The following SAMD13 variants were observed in gnomAD, a reference collection of about 807,000 sequenced individuals.
SAMD13 encodes sterile alpha motif domain-containing protein 13.
Under a neutral mutation model 12.4 loss-of-function variants are expected in SAMD13, and 9 were observed. The ratio of observed to expected loss-of-function variants is 0.72; its 90% CI spans 0.44 to 1.26. The LOEUF is 1.26. Ranked by LOEUF, SAMD13 falls within the 50% of genes most tolerant of loss-of-function variation. The pLI, the probability that SAMD13 is intolerant of heterozygous loss-of-function variation, is 0.00. For synonymous variants in SAMD13, 46 were observed against 45.4 expected (o/e 1.01, Z -0.05); for missense variants, 84 against 119.6 (o/e 0.70, Z 1.39).
intron 2 of SAMD13, among the ~76,000 whole-genome samples, chr1:84,307,168 T>A (rs930030685): frequency 6.6e-6 from 1 of 152,204 alleles, no homozygotes; most frequent in African/African-American, 2.4e-5. Context: ...GGACTCCAAT[T>A]TTATGTGGAT....
chr1:84,337,159 C>T, intron 3 of SAMD13, among the ~76,000 whole-genome samples: 1 of 152,138 alleles, frequency 6.6e-6, no homozygotes, highest in East Asian at 1.9e-4. Flanking sequence ...ACGGTGCAAG[C>T]TGTCAGTGGA....
chr1:84,333,764 G>T (rs946943492), intron 3 of SAMD13, among the ~76,000 whole-genome samples: 3 of 151,952 alleles, frequency 2.0e-5, no homozygotes, highest in Non-Finnish European at 2.9e-5. Context: ...TAACATGAAG[G>T]GATGTTGAAT....
At chr1:84,308,446 C>T (rs1289785962) in intron 2 of SAMD13, among the ~76,000 whole-genome samples, 1 of 152,142 alleles carries the variant, frequency 6.6e-6, no homozygotes, top group Non-Finnish European at 1.5e-5. Context: ...CCTTGACAAT[C>T]AAAAATGTCT....
chr1:84,303,179 A>C, intron 1 of SAMD13, 24 bp from the exon 2 acceptor site: 1 of 1,561,294 alleles, frequency 6.4e-7, no homozygotes, highest in Non-Finnish European at 8.8e-7. Flanking sequence ...AATTAAACAC[A>C]AGCTTTTCTC....
At chr1:84,319,233 T>A (rs1181990408) in intron 2 of SAMD13, among the ~76,000 whole-genome samples, 2 of 152,164 alleles carry the variant, frequency 1.3e-5, no homozygotes, top group Non-Finnish European at 2.9e-5. Context: ...TAGACTGTTG[T>A]GTTTAGTATT....
At chr1:84,320,093 A>G (rs1007127199) in intron 2 of SAMD13, among the ~76,000 whole-genome samples, 3 of 152,226 alleles carry the variant, frequency 2.0e-5, no homozygotes, top group Non-Finnish European at 2.9e-5. Flanking sequence ...TATCGTCTTC[A>G]TTAGACTATG....
At chr1:84,339,862 G>A (rs1297813501) in intron 3 of SAMD13, among the ~76,000 whole-genome samples, 1 of 152,180 alleles carries the variant, frequency 6.6e-6, no homozygotes, top group Non-Finnish European at 1.5e-5. Context: ...AAAAGAATTG[G>A]ATAGATTAAA....
intron 3 of SAMD13, among the ~76,000 whole-genome samples, chr1:84,347,247 G>C (rs1486414771): frequency 6.6e-6 from 1 of 152,094 alleles, no homozygotes; most frequent in Non-Finnish European, 1.5e-5. Flanking sequence ...AGGAATGTTT[G>C]GTTGTATGTA....
At chr1:84,312,157 G>A (rs1199454121) in intron 2 of SAMD13, among the ~76,000 whole-genome samples, 2 of 148,266 alleles carry the variant, frequency 1.3e-5, no homozygotes, top group African/African-American at 2.5e-5. Context: ...TGTTTTTTTT[G>A]TCTATGTAAA....
upstream of SAMD13, chr1:84,299,671 ATATATTTATT>A (rs1034236534): frequency 2.1e-6 from 2 of 952,292 alleles, no homozygotes; most frequent in African/African-American, 1.7e-5. Context: ...ATATATATAT[ATATATTTATT>A]TATTTATTTA....
chr1:84,334,221 C>G (rs1278112595), intron 3 of SAMD13, among the ~76,000 whole-genome samples: 1 of 152,020 alleles, frequency 6.6e-6, no homozygotes, highest in African/African-American at 2.4e-5. Flanking sequence ...ATTCCTGATT[C>G]AATTTCAGAA....
chr1:84,334,282 G>T (rs1339364477), intron 3 of SAMD13, among the ~76,000 whole-genome samples: 1 of 152,022 alleles, frequency 6.6e-6, no homozygotes, highest in African/African-American at 2.4e-5. Flanking sequence ...TCAATCTTGG[G>T]AGGCTGTGTT....
intron 2 of SAMD13, among the ~76,000 whole-genome samples, chr1:84,325,289 A>AGATG (rs1288841983): frequency 6.6e-6 from 1 of 152,080 alleles, no homozygotes; most frequent in Non-Finnish European, 1.5e-5. Flanking sequence ...CTTTATCCCT[A>AGATG]GATGTGTGGG....
chr1:84,339,359 T>C (rs1679372312), intron 3 of SAMD13, among the ~76,000 whole-genome samples: 1 of 152,186 alleles, frequency 6.6e-6, no homozygotes, highest in African/African-American at 2.4e-5. Flanking sequence ...CCTTTGGATG[T>C]GTTTTTTTTG....
At chr1:84,313,076 A>T (rs1242389831) in intron 2 of SAMD13, among the ~76,000 whole-genome samples, 1 of 152,146 alleles carries the variant, frequency 6.6e-6, no homozygotes, top group Non-Finnish European at 1.5e-5. Flanking sequence ...TAAATAACTA[A>T]GATGGAGCCA....
At chr1:84,308,785 T>A (rs1368226524) in intron 2 of SAMD13, among the ~76,000 whole-genome samples, 3 of 152,056 alleles carry the variant, frequency 2.0e-5, no homozygotes, top group African/African-American at 7.2e-5. Flanking sequence ...AATCTGAAAA[T>A]TTTTTAATTA....
At chr1:84,315,400 G>C (rs756386851) in intron 2 of SAMD13, among the ~76,000 whole-genome samples, 1 of 152,064 alleles carries the variant, frequency 6.6e-6, no homozygotes, top group Non-Finnish European at 1.5e-5. Flanking sequence ...CATCCATTTT[G>C]TTGAAAATGT....
At chr1:84,334,764 TTCTC>T (rs1679259733) in intron 3 of SAMD13, among the ~76,000 whole-genome samples, 1 of 152,158 alleles carries the variant, frequency 6.6e-6, no homozygotes, top group Non-Finnish European at 1.5e-5. Flanking sequence ...TGTATTTTTG[TTCTC>T]AGTAGTTTCA....
chr1:84,301,860 A>G (rs1329375898), intron 1 of SAMD13, 59 bp downstream of exon 1: 6 of 731,892 alleles, frequency 8.2e-6, no homozygotes, highest in Non-Finnish European at 1.0e-5. Context: ...TAATAAGACA[A>G]TGTAGTGTGG....
Sources: gnomAD v4.1 joint callset for allele counts (sites outside exome capture counted in the v4.1 genomes callset) on GRCh38, gnomAD v4.1.1 for gene constraint, MANE v1.5 for transcripts, NCBI Gene and HGNC (gene_info 2026-07-23, HGNC 2026-07-21) for gene names.